Variants in CDH20 observed in about 807,000 individuals in gnomAD.
CDH20 encodes cadherin 20.
A neutral mutation model predicts 74.2 loss-of-function variants in CDH20; 29 were observed. The ratio of observed to expected loss-of-function variants is 0.39; its 90% confidence interval spans 0.29 to 0.53. CDH20 has a LOEUF of 0.53. CDH20 is among the 20% of genes least tolerant of loss of function. The probability of loss-of-function intolerance (pLI) is 0.69; values close to 1 mark genes in which losing one functional copy is unlikely to be tolerated. For synonymous variants in CDH20, 469 were observed against 405.4 expected, an observed-to-expected ratio of 1.16 and a Z score of -1.88; for missense variants, 988 against 1,048.3, an observed-to-expected ratio of 0.94 and a Z score of 0.79.
intron 1 of CDH20, among the ~76,000 whole-genome samples, chr18:61,412,983 T>A (rs1912562660): frequency 6.6e-6 from 1 of 152,206 alleles, no homozygotes; most frequent in Non-Finnish European, 1.5e-5. Flanking sequence ...CACAATTAAC[T>A]TTTGTAATTA....
chr18:61,529,981 G>A (rs768039093), intron 7 of CDH20, among the ~76,000 whole-genome samples: 1 of 152,154 alleles, frequency 6.6e-6, no homozygotes, highest in South Asian at 2.1e-4. Flanking sequence ...GAGGCACAGG[G>A]CAGGGTCCAC....
intron 1 of CDH20, among the ~76,000 whole-genome samples, chr18:61,468,580 C>G (rs1376680568): frequency 1.3e-5 from 2 of 152,112 alleles, no homozygotes; most frequent in Non-Finnish European, 2.9e-5. Flanking sequence ...CTTTTTCCCC[C>G]CTACTTGCTC....
chr18:61,369,151 A>G (rs1239445585), intron 1 of CDH20, among the ~76,000 whole-genome samples: 3 of 152,232 alleles, frequency 2.0e-5, no homozygotes, highest in East Asian at 3.9e-4. Context: ...GTGGATATGT[A>G]TATTTCAAAT....
Position 61,554,293 on chromosome 18 carries a change from G to T in CDH20, c.2004G>T (p.Glu668Asp). The T allele has an allele frequency of 1.9e-6, 3 of 1,613,926 alleles. No homozygotes were observed. The highest frequency in any genetic ancestry group is 2.5e-6 in the Non-Finnish European group (3 of 1,180,008). ...AGAACATCGTCCGCTACGACGACGA[G>T]GGCGGCGGCGAGGAGGACACCGAGG... ...IHENIVRYDD[E>D]GGGEEDTEAF... Residue 668 changes from glutamate (E) to aspartate (D), a missense_variant, in exon 12 of 12, where the codon GAG (glutamate) becomes GAT (aspartate). Glu to Asp is a conservative substitution (Grantham distance 45). Transcript: ENST00000262717.
chr18:61,447,492 G>A (rs1486502450), intron 1 of CDH20, among the ~76,000 whole-genome samples: 2 of 152,186 alleles, frequency 1.3e-5, no homozygotes, highest in Non-Finnish European at 1.5e-5. Flanking sequence ...AGAGATTGGC[G>A]ACGAGCAGCC....
rs535905454 is a variant in CDH20, at chr18:61,473,210, T to C, written c.-152-17192T>C. Among the ~76,000 whole-genome samples the C allele has an allele frequency of 6.0e-4, 92 of 152,350 alleles. 2 individuals are homozygous for C. In the South Asian group the frequency reaches 0.019, roughly 31 times the overall value. ...AGATTTTTATCTCTCTCTTTAATCC[T>C]AATTTGATGCTATTAACCAATTCTA... On this transcript the variant is annotated intron_variant, in intron 1 of 11. Transcript: ENST00000262717.
chr18:61,467,101 T>C (rs962051271), intron 1 of CDH20, among the ~76,000 whole-genome samples: 5 of 152,104 alleles, frequency 3.3e-5, no homozygotes, highest in Admixed American at 2.6e-4. Context: ...AGAAATATGC[T>C]AGACAGACAC....
chr18:61,458,468 A>G (rs1394879062), intron 1 of CDH20, among the ~76,000 whole-genome samples: 2 of 152,138 alleles, frequency 1.3e-5, no homozygotes, highest in Non-Finnish European at 2.9e-5. Flanking sequence ...AGACCACCAC[A>G]GCCCTCTCCC....
chr18:61,401,735 A>G (rs1912161005), intron 1 of CDH20, among the ~76,000 whole-genome samples: 1 of 152,212 alleles, frequency 6.6e-6, no homozygotes, highest in Non-Finnish European at 1.5e-5. Flanking sequence ...GTTTTTATTA[A>G]TAAATTAAAA....
chr18:61,498,332 G>A (rs1911243234), intron 2 of CDH20, among the ~76,000 whole-genome samples: 1 of 151,556 alleles, frequency 6.6e-6, no homozygotes, highest in South Asian at 2.1e-4. Flanking sequence ...CCTGGGAGGT[G>A]GAGGTTGCAG....
chr18:61,552,919 C>T (rs187377631), intron 11 of CDH20, among the ~76,000 whole-genome samples: 1,986 of 152,262 alleles, frequency 0.013, 27 homozygotes, highest in South Asian at 0.028. Context: ...TCCTTAGAGT[C>T]CTATTAGTCT....
At chr18:61,520,861 G>A (rs1029373760) in intron 6 of CDH20, among the ~76,000 whole-genome samples, 1 of 150,998 alleles carries the variant, frequency 6.6e-6, no homozygotes, top group African/African-American at 2.5e-5. Context: ...CTAAATTAAG[G>A]CAGAAATAAG....
chr18:61,505,852 T>A (rs1359163288), intron 5 of CDH20, among the ~76,000 whole-genome samples: 1 of 152,236 alleles, frequency 6.6e-6, no homozygotes, highest in African/African-American at 2.4e-5. Flanking sequence ...AAACTTTGCA[T>A]TCTCTCTTCA....
At chr18:61,517,680 C>T (rs536163367) in intron 6 of CDH20, among the ~76,000 whole-genome samples, 5 of 132,990 alleles carry the variant, frequency 3.8e-5, no homozygotes, top group African/African-American at 1.5e-4. Flanking sequence ...AGACACCGAA[C>T]TAGCTGCAGT....
At chr18:61,348,924 G>A (rs1266235829) in intron 1 of CDH20, among the ~76,000 whole-genome samples, 3 of 152,168 alleles carry the variant, frequency 2.0e-5, no homozygotes, top group Non-Finnish European at 2.9e-5. Context: ...GTGTGGAAAG[G>A]GGGAAATTTT....
At chr18:61,471,187 T>C (rs989178968) in intron 1 of CDH20, among the ~76,000 whole-genome samples, 17 of 152,236 alleles carry the variant, frequency 1.1e-4, no homozygotes, top group Non-Finnish European at 1.9e-4. Flanking sequence ...TCTCTGCTCA[T>C]GAACAGAAGG....
At chr18:61,364,632 C>T (rs1352174778) in intron 1 of CDH20, among the ~76,000 whole-genome samples, 1 of 146,884 alleles carries the variant, frequency 6.8e-6, no homozygotes, top group African/African-American at 2.5e-5. Context: ...ACTCTATTTC[C>T]TGAGAGAGGT....
chr18:61,377,160 GA>G (rs1227061867), intron 1 of CDH20, among the ~76,000 whole-genome samples: 1 of 152,086 alleles, frequency 6.6e-6, no homozygotes, highest in African/African-American at 2.4e-5. Flanking sequence ...AGAAAAGTGA[GA>G]AAAGTAAGTC....
chr18:61,411,661 T>C (rs1912513349), intron 1 of CDH20, among the ~76,000 whole-genome samples: 1 of 145,604 alleles, frequency 6.9e-6, no homozygotes, highest in Non-Finnish European at 1.5e-5. Context: ...ACACACGCTA[T>C]GGAACACAAC....
Sources: gnomAD v4.1 joint callset for allele counts (sites outside exome capture counted in the v4.1 genomes callset) on GRCh38, gnomAD v4.1.1 for gene constraint, MANE v1.5 for transcripts, NCBI Gene and HGNC (gene_info 2026-07-23, HGNC 2026-07-21) for gene names.